The following DHX34 variants were observed in gnomAD, a reference collection of about 807,000 sequenced individuals.
DHX34 encodes DExH-box helicase 34.
A neutral mutation model predicts 111.1 loss-of-function variants in DHX34; 96 were observed. The ratio of observed to expected loss-of-function variants is 0.86; its 90% CI spans 0.73 to 1.02. The LOEUF (loss-of-function observed/expected upper bound fraction) is 1.02, where lower values mean the gene tolerates loss of function less well. DHX34 is among the 50% of genes least tolerant of loss of function. The pLI, the probability that DHX34 is intolerant of heterozygous loss-of-function variation, is 0.00. For missense variants in DHX34, 1,560 were observed against 1,579.9 expected (o/e 0.99, Z 0.21); for synonymous variants, 688 against 670.4 (o/e 1.03, Z -0.41).
intron 5 of DHX34, among the ~76,000 whole-genome samples, chr19:47,360,609 T>TA (rs1191135274): frequency 3.9e-5 from 6 of 152,310 alleles, no homozygotes; most frequent in South Asian, 2.1e-4. Flanking sequence ...CCACTCTGTC[T>TA]AAGAGATATC....
chr19:47,377,298 GC>G, intron 13 of DHX34, 92 bp downstream of exon 13: 2 of 1,357,152 alleles, frequency 1.5e-6, no homozygotes, highest in Non-Finnish European at 1.0e-6. Context: ...GCTTGGAGGG[GC>G]CACCTGGCAC....
At chr19:47,379,560 G>A (rs1232834751) in intron 13 of DHX34, 150 bp from the exon 14 acceptor site, 4 of 1,461,896 alleles carry the variant, frequency 2.7e-6, no homozygotes, top group Non-Finnish European at 9.0e-7. Flanking sequence ...ACCCGAAGGG[G>A]TGCCTGGTAC....
chr19:47,357,708 A>G, intron 3 of DHX34, 158 bp from the exon 4 acceptor site: 1 of 978,968 alleles, frequency 1.0e-6, no homozygotes, highest in Non-Finnish European at 1.2e-6. Context: ...GGATCCCTGA[A>G]TGACCACATG....
chr19:47,371,444 T>TC (rs1185488814), intron 7 of DHX34, among the ~76,000 whole-genome samples: 4 of 152,104 alleles, frequency 2.6e-5, no homozygotes, highest in Non-Finnish European at 5.9e-5. Flanking sequence ...ATGCTGTTGT[T>TC]CCCCCGTTTA....
Position 47,357,963 on chromosome 19 carries a change from A to G in DHX34, c.1115A>G (p.Lys372Arg), listed in dbSNP as rs200822007. ...FLRVLESIDH[K>R]YPPEERGDLL... Reference sequence around the variant, plus strand: ...AGGGTGCTGGAGTCCATTGACCACAAGTACCCGCCTGAGGAGCGGGGTGAC... The same window carrying G: ...AGGGTGCTGGAGTCCATTGACCACAGGTACCCGCCTGAGGAGCGGGGTGAC... The change falls in exon 4 of 17, where the codon AAG becomes AGG. Residue 372 changes from lysine to arginine, a missense_variant. Lys to Arg is a conservative substitution (Grantham distance 26). Transcript: ENST00000328771. The G allele has an allele frequency of 1.4e-5, 23 of 1,613,922 alleles. No homozygotes were observed. The East Asian group carries it at 4.7e-4, about 33-fold the overall frequency.
intron 13 of DHX34, among the ~76,000 whole-genome samples, chr19:47,378,297 A>G (rs1970234903): frequency 8.2e-6 from 1 of 121,938 alleles, no homozygotes; most frequent in Non-Finnish European, 1.6e-5. Context: ...AGGCACTGTT[A>G]GTGTTCAGTG....
intron 6 of DHX34, 60 bp from the exon 7 acceptor site, chr19:47,366,921 G>A: frequency 1.1e-5 from 16 of 1,444,864 alleles, no homozygotes; most frequent in African/African-American, 1.5e-5. Flanking sequence ...TCTGAGCCCC[G>A]CTGTGCTGCA....
chr19:47,352,590 G>A (rs770254672), intron 1 of DHX34, among the ~76,000 whole-genome samples, 164 bp from the exon 2 acceptor site: 110 of 152,256 alleles, frequency 7.2e-4, no homozygotes, highest in African/African-American at 2.1e-3. Flanking sequence ...CGGGAGGATC[G>A]CTTGAGTCCA....
At chr19:47,368,428 T>G (rs1281926966) in intron 7 of DHX34, among the ~76,000 whole-genome samples, 1 of 141,686 alleles carries the variant, frequency 7.1e-6, no homozygotes, top group Non-Finnish European at 1.5e-5. Context: ...TGCCTCAGCC[T>G]CCCGAGTAGC....
rs533434183 is a variant in DHX34 at position 47,368,639 on chromosome 19, TACAC to T, written c.1768+1504_1768+1507del. ...GTGTGTGTGTGTGTGTGTATATATA[TACAC>T]ACACACACACACACACACATACACA... On this transcript the variant is annotated intron_variant, in intron 7 of 16. Transcript: ENST00000328771. Among the ~76,000 whole-genome samples the T allele has an allele frequency of 2.1e-3, 300 of 145,706 alleles. 1 individual carries two copies. Among genetic ancestry groups the T allele is most frequent in the African/African-American group, 3.7e-3 (149 of 39,968 alleles).
Position 47,353,111 on chromosome 19 carries a change from A to G in DHX34, c.81A>G (p.Lys27=), listed in dbSNP as rs1969336897. The G allele has an allele frequency of 6.2e-7, 1 of 1,614,166 alleles. No homozygotes were observed. The highest frequency in any genetic ancestry group is 8.5e-7 in the Non-Finnish European group (1 of 1,180,030). ...CCAGCGAGGAAGAGGCCTTGGAGAA[A>G]TGGGACTGGAATTGTCCAGAGACGC... ...RAPSEEEALE[K]WDWNCPETRR... Residue 27 remains lysine, a synonymous_variant, in exon 2 of 17, where the codon AAA becomes AAG. Coordinates refer to ENST00000328771, the MANE Select transcript of DHX34 (RefSeq NM_014681.6). This position sits in a 1 kb window ranked among gnomAD's most constrained non-coding sequence, Gnocchi z 4.6.
chr19:47,363,593 G>C (rs1369110581), intron 6 of DHX34, among the ~76,000 whole-genome samples: 1 of 152,032 alleles, frequency 6.6e-6, no homozygotes. Flanking sequence ...CAAGGCAGGT[G>C]GATCACTTGA....
intron 9 of DHX34, 106 bp downstream of exon 9, chr19:47,373,806 C>T: frequency 1.5e-6 from 2 of 1,359,250 alleles, no homozygotes; most frequent in African/African-American, 1.5e-5. Flanking sequence ...GACCAGAATC[C>T]CACCCTGCAC....
rs1341228615 is a variant in DHX34 at position 47,382,402 on chromosome 19, G to T, written c.*289G>T. 1.0e-5 allele frequency: 4 copies of T among 394,524 alleles called. No homozygotes were observed. The highest frequency in any genetic ancestry group is 2.1e-5 in the African/African-American group (1 of 48,404). 24.4% of individuals were successfully genotyped at this position (394,524 alleles called of 1,614,324 possible). ...GCCTGAGGGGTCCTGGGTAGGAGGG[G>T]CGTTAGAGCCAGCAGGGACCTCCCA... On this transcript the variant is annotated 3_prime_UTR_variant, in exon 17 of 17. Transcript: ENST00000328771.
chr19:47,375,767 G>T lies in DHX34; in HGVS notation c.2307+59G>T, dbSNP rs977387042. On this transcript the variant is annotated intron_variant, in intron 10 of 16. Coordinates refer to ENST00000328771, the MANE Select transcript of DHX34 (RefSeq NM_014681.6). Reference sequence around the variant, plus strand: ...ACCAAGGTGGGCCTTGGCCTCTCCTGGGGGGGTCCCAGGGGACATGGCCCT... The same window carrying T: ...ACCAAGGTGGGCCTTGGCCTCTCCTTGGGGGGTCCCAGGGGACATGGCCCT... 26 of 1,364,610 alleles carry T rather than the reference G, an allele frequency of 1.9e-5. 1 individual carries two copies. In the Middle Eastern group the frequency reaches 9.9e-4, roughly 52 times the overall value. The allele number at this position is 1,364,610 out of a possible 1,614,324, so 84.5% of individuals were successfully genotyped here.
chr19:47,353,082 G>T lies in DHX34; in HGVS notation c.52G>T (p.Ala18Ser). The change falls in exon 2 of 17, where the codon GCT becomes TCT. Residue 18 changes from alanine (A) to serine (S), a missense_variant. By Grantham distance (99) the Ala-to-Ser change is moderately conservative. Transcript: ENST00000328771. This position sits in a 1 kb window ranked among gnomAD's most constrained non-coding sequence, Gnocchi z 4.6. Reference protein sequence around the residue: ...EGRDRRDHHRAPSEEEALEKW... With the variant: ...EGRDRRDHHRSPSEEEALEKW... ...CAGGGATCGCCGAGACCACCACCGG[G>T]CTCCCAGCGAGGAAGAGGCCTTGGA... is the stretch of plus-strand genomic sequence containing the variant. 6.2e-7 allele frequency: 1 copy of T among 1,614,102 alleles called. No homozygotes were observed. The highest frequency in any genetic ancestry group is 8.5e-7 in the Non-Finnish European group (1 of 1,179,986).
chr19:47,366,655 A>C (rs1969793367), intron 6 of DHX34, among the ~76,000 whole-genome samples: 1 of 151,840 alleles, frequency 6.6e-6, no homozygotes, highest in Non-Finnish European at 1.5e-5. Context: ...ATCTCGGCTT[A>C]CTGCGATCTC....
Position 47,382,325 on chromosome 19 carries a change from C to CTTGT in DHX34, c.*214_*217dup, listed in dbSNP as rs1568410690. 1.2e-6 allele frequency: 1 copy of CTTGT among 834,590 alleles called. No homozygotes were observed. Among genetic ancestry groups the CTTGT allele is most frequent in the Non-Finnish European group, 1.8e-6 (1 of 569,646 alleles). The allele number at this position is 834,590 out of a possible 1,614,324, so 51.7% of individuals were successfully genotyped here. On this transcript the variant is annotated 3_prime_UTR_variant, in exon 17 of 17. Coordinates refer to ENST00000328771, the MANE Select transcript of DHX34 (RefSeq NM_014681.6). ...TGCCCATCCAGAAAGCAGCAGCTGCCTTGTTAGTCCTCCCCAGGGTCTAGC... is the reference window on the plus strand; with the variant it reads ...TGCCCATCCAGAAAGCAGCAGCTGCCTTGTTTGTTAGTCCTCCCCAGGGTCTAGC...
Position 47,358,007 on chromosome 19 carries a change from G to A in DHX34, c.1159G>A (p.Gly387Ser), listed in dbSNP as rs1317463379. The A allele has an allele frequency of 5.0e-6, 8 of 1,613,646 alleles. No individual in the cohort carries two copies. The highest frequency in any genetic ancestry group is 2.2e-5 in the South Asian group (2 of 91,092). The change falls in exon 4 of 17, where the codon GGC becomes AGC. Residue 387 changes from glycine (G) to serine (S), a missense_variant. Transcript: ENST00000328771. Reference protein sequence around the residue: ...ERGDLLVFLSGMAEISAVLEA... With the variant: ...ERGDLLVFLSSMAEISAVLEA... ...GGGTGACCTCCTCGTCTTCCTCAGCGGCATGGCGGAGATCAGCGCCGTGCT... is the reference window on the plus strand; with the variant it reads ...GGGTGACCTCCTCGTCTTCCTCAGCAGCATGGCGGAGATCAGCGCCGTGCT...
Sources: allele counts gnomAD v4.1 joint callset (sites outside exome capture counted in the v4.1 genomes callset), GRCh38; gene constraint gnomAD v4.1.1; non-coding constraint Gnocchi (gnomAD v3.1); transcripts MANE v1.5; gene names NCBI Gene and HGNC (gene_info 2026-07-23, HGNC 2026-07-21).